The following PDZRN3 variants were observed in gnomAD, a reference collection of about 807,000 sequenced individuals.
The protein encoded by PDZRN3 is PDZ domain containing ring finger 3.
A neutral mutation model predicts 85.7 loss-of-function variants in PDZRN3; 38 were observed. The ratio of observed to expected loss-of-function variants is 0.44; its 90% confidence interval spans 0.34 to 0.58. The LOEUF (loss-of-function observed/expected upper bound fraction) is 0.58. PDZRN3 is among the 20% of genes least tolerant of loss of function. The probability of loss-of-function intolerance (pLI) is 0.01; values close to 1 mark genes in which losing one functional copy is unlikely to be tolerated. For missense variants in PDZRN3, 1,629 were observed against 1,506.4 expected (o/e 1.08, Z -1.35); for synonymous variants, 759 against 638.0 (o/e 1.19, Z -2.86).
chr3:73,478,465 T>C (rs953848530), intron 3 of PDZRN3, among the ~76,000 whole-genome samples: 7 of 152,116 alleles, frequency 4.6e-5, no homozygotes, highest in African/African-American at 1.4e-4. Flanking sequence ...GATGAGACCA[T>C]CCAGTTGCAA....
At chr3:73,500,167 G>A (rs562227799) in intron 3 of PDZRN3, among the ~76,000 whole-genome samples, 4 of 152,024 alleles carry the variant, frequency 2.6e-5, no homozygotes, top group African/African-American at 4.8e-5. Flanking sequence ...GTGATCCTCC[G>A]CCTCCCAAGT....
intron 3 of PDZRN3, among the ~76,000 whole-genome samples, chr3:73,592,978 A>G (rs1702381053): frequency 6.6e-6 from 1 of 152,126 alleles, no homozygotes; most frequent in South Asian, 2.1e-4. Flanking sequence ...CATGTTACAT[A>G]TACTTCACAG....
intron 3 of PDZRN3, among the ~76,000 whole-genome samples, chr3:73,600,846 A>G (rs1252910362): frequency 1.3e-5 from 2 of 152,200 alleles, no homozygotes; most frequent in Admixed American, 1.3e-4. Flanking sequence ...TTGAGCTCTT[A>G]AGAAAGCACT....
chr3:73,505,151 G>T (rs375169759), intron 3 of PDZRN3, among the ~76,000 whole-genome samples: 1 of 152,156 alleles, frequency 6.6e-6, no homozygotes, highest in South Asian at 2.1e-4. Context: ...TGAAGGCAAA[G>T]ATTTTGCTTT....
intron 3 of PDZRN3, among the ~76,000 whole-genome samples, chr3:73,487,080 T>G (rs116103072): frequency 0.035 from 5,308 of 152,302 alleles, 131 homozygotes; most frequent in Non-Finnish European, 0.051. Flanking sequence ...AATGGATTTT[T>G]ATAGCAATAT....
intron 3 of PDZRN3, among the ~76,000 whole-genome samples, chr3:73,450,161 T>C (rs1702829765): frequency 6.6e-6 from 1 of 152,238 alleles, no homozygotes; most frequent in Non-Finnish European, 1.5e-5. Context: ...TTTCCTAAGA[T>C]ATTTTTATAT....
Position 73,442,505 on chromosome 3 carries a change from A to C in PDZRN3, c.919-38110T>G, listed in dbSNP as rs954869135. ...TTATTGTGGATTCAGAAAAATGACT[A>C]GAATAACACACTGGGAAAAATGTTA... On this transcript the variant is annotated intron_variant, in intron 3 of 9. Coordinates refer to ENST00000263666, the MANE Select transcript of PDZRN3 (RefSeq NM_015009.3). Among the ~76,000 whole-genome samples the C allele has an allele frequency of 5.4e-4, 82 of 152,208 alleles. 3 individuals carry two copies. The highest frequency in any genetic ancestry group is 5.9e-5 in the Non-Finnish European group (4 of 68,038).
At chr3:73,422,738 C>T (rs184641209) in intron 3 of PDZRN3, among the ~76,000 whole-genome samples, 2 of 152,238 alleles carry the variant, frequency 1.3e-5, no homozygotes, top group East Asian at 3.9e-4. Flanking sequence ...GCCACTACTT[C>T]CTGTTCCAAT....
At chr3:73,524,546 T>C (rs1704475605) in intron 3 of PDZRN3, among the ~76,000 whole-genome samples, 1 of 152,240 alleles carries the variant, frequency 6.6e-6, no homozygotes, top group Admixed American at 6.5e-5. Context: ...AGGTGTGCCC[T>C]TGGAGATCAG....
rs541554254 is a variant in PDZRN3 at position 73,524,369 on chromosome 3, C to T, written c.918+77985G>A. Among the ~76,000 whole-genome samples the T allele has an allele frequency of 5.3e-5, 8 of 152,234 alleles. 1 individual carries two copies. The South Asian group carries it at 1.5e-3, about 28-fold the overall frequency. On this transcript the variant is annotated intron_variant, in intron 3 of 9. Coordinates refer to ENST00000263666, the MANE Select transcript of PDZRN3 (RefSeq NM_015009.3). ...TTAAAAACCACAGTGATGCATATTACCACCAGCTATCAAGGCAATCACAGG... is the reference window on the plus strand; with the variant it reads ...TTAAAAACCACAGTGATGCATATTATCACCAGCTATCAAGGCAATCACAGG...
intron 3 of PDZRN3, among the ~76,000 whole-genome samples, chr3:73,548,142 G>A (rs946949411): frequency 4.6e-5 from 7 of 152,194 alleles, no homozygotes; most frequent in Non-Finnish European, 1.0e-4. Context: ...ACAACCCCGC[G>A]CCCACACCCC....
intron 3 of PDZRN3, among the ~76,000 whole-genome samples, chr3:73,582,239 G>A (rs1575749679): frequency 6.6e-6 from 1 of 152,140 alleles, no homozygotes; most frequent in Admixed American, 6.5e-5. Flanking sequence ...AGGAGAGGAA[G>A]GCACATGTAG....
chr3:73,388,192 C>A, intron 7 of PDZRN3, 123 bp from the exon 8 acceptor site: 1 of 578,512 alleles, frequency 1.7e-6, no homozygotes, highest in Non-Finnish European at 3.0e-6. Flanking sequence ...GAACATACAA[C>A]TTCCGTGTAG....
chr3:73,508,545 G>A (rs979963514), intron 3 of PDZRN3, among the ~76,000 whole-genome samples: 3 of 152,166 alleles, frequency 2.0e-5, no homozygotes, highest in African/African-American at 7.2e-5. Context: ...GACTATCAGT[G>A]ACTTAAGGGA....
At chr3:73,544,491 T>C (rs1048679265) in intron 3 of PDZRN3, among the ~76,000 whole-genome samples, 10 of 152,328 alleles carry the variant, frequency 6.6e-5, no homozygotes, top group Non-Finnish European at 1.3e-4. Flanking sequence ...CTAGTTGATA[T>C]GATAGTAGGT....
At chr3:73,408,815 C>T (rs1012516650) in intron 3 of PDZRN3, among the ~76,000 whole-genome samples, 5 of 152,162 alleles carry the variant, frequency 3.3e-5, no homozygotes, top group East Asian at 1.9e-4. Flanking sequence ...AGACTCTTAG[C>T]GAGATGATGA....
At chr3:73,443,711 C>CT (rs1419972004) in intron 3 of PDZRN3, among the ~76,000 whole-genome samples, 1 of 151,688 alleles carries the variant, frequency 6.6e-6, no homozygotes, top group African/African-American at 2.4e-5. Flanking sequence ...TCAGGCTGGT[C>CT]TTGAACTCAT....
intron 1 of PDZRN3, among the ~76,000 whole-genome samples, chr3:73,617,447 A>C (rs1702781239): frequency 6.6e-6 from 1 of 152,218 alleles, no homozygotes; most frequent in East Asian, 1.9e-4. Flanking sequence ...AAGAATAGTA[A>C]GACTTGTGCT....
chr3:73,616,414 T>C (rs906282627), intron 1 of PDZRN3, among the ~76,000 whole-genome samples: 1 of 152,238 alleles, frequency 6.6e-6, no homozygotes, highest in Non-Finnish European at 1.5e-5. Flanking sequence ...CATAGCTTTG[T>C]TAATTTGGGT....
Sources: allele counts gnomAD v4.1 joint callset (sites outside exome capture counted in the v4.1 genomes callset), GRCh38; gene constraint gnomAD v4.1.1; transcripts MANE v1.5; gene names NCBI Gene and HGNC (gene_info 2026-07-23, HGNC 2026-07-21).